Variants in PUS10 observed in about 807,000 individuals in gnomAD.
The protein encoded by PUS10 is pseudouridine synthase 10.
PUS10 carries 59 observed loss-of-function variants against 75.0 expected under a neutral mutation model. The observed-to-expected ratio is 0.79, with a 90% CI of 0.64 to 0.98. The LOEUF (loss-of-function observed/expected upper bound fraction) is 0.98. PUS10 is among the 50% of genes least tolerant of loss of function. The pLI is 0.00. For synonymous variants in PUS10, 219 were observed against 211.6 expected, an observed-to-expected ratio of 1.03 and a Z score of -0.30; for missense variants, 650 against 614.4, an observed-to-expected ratio of 1.06 and a Z score of -0.61.
chr2:60,949,209 A>C (rs1675182804), intron 15 of PUS10, among the ~76,000 whole-genome samples: 1 of 152,222 alleles, frequency 6.6e-6, no homozygotes, highest in African/African-American at 2.4e-5. Context: ...TGTCTCCATA[A>C]GATCTGATTT....
intron 4 of PUS10, among the ~76,000 whole-genome samples, chr2:60,971,865 C>CTTTTTTTTTTT (rs756222357): frequency 2.0e-5 from 2 of 99,638 alleles, no homozygotes; most frequent in African/African-American, 8.7e-5. Context: ...TCTTTCTTCT[C>CTTTTTTTTTTT]TTTTTTTTTT....
chr2:61,007,222 T>G (rs1211522243), intron 3 of PUS10, among the ~76,000 whole-genome samples: 5 of 151,752 alleles, frequency 3.3e-5, no homozygotes, highest in African/African-American at 4.8e-5. Flanking sequence ...TTTGTTTTTT[T>G]TTTTTTAAAA....
chr2:60,992,720 C>T (rs1317766097), intron 4 of PUS10, among the ~76,000 whole-genome samples: 1 of 151,972 alleles, frequency 6.6e-6, no homozygotes, highest in Non-Finnish European at 1.5e-5. Context: ...GGCTCATGAC[C>T]ACATTTAAAT....
chr2:60,967,657 T>C (rs1312415228), intron 5 of PUS10, 44 bp from the exon 6 acceptor site: 1 of 1,384,838 alleles, frequency 7.2e-7, no homozygotes, highest in Non-Finnish European at 1.0e-6. Context: ...AAAACTTTAC[T>C]TTTTCTATTA....
intron 9 of PUS10, 67 bp downstream of exon 9, chr2:60,962,759 C>T (rs935800243): frequency 3.9e-6 from 6 of 1,526,382 alleles, no homozygotes; most frequent in Non-Finnish European, 5.3e-6. Flanking sequence ...GATAATCCAG[C>T]TTATCTCTAA....
intron 4 of PUS10, among the ~76,000 whole-genome samples, chr2:60,999,851 C>A (rs1678735835): frequency 6.6e-6 from 1 of 152,088 alleles, no homozygotes; most frequent in Non-Finnish European, 1.5e-5. Context: ...CAGGTACAGG[C>A]TTTTTCCTGT....
chr2:60,974,867 C>T (rs944866077), intron 4 of PUS10, among the ~76,000 whole-genome samples: 20 of 152,220 alleles, frequency 1.3e-4, no homozygotes, highest in Non-Finnish European at 2.6e-4. Flanking sequence ...CAGACCCAGG[C>T]GTAGCGTGCC....
intron 4 of PUS10, among the ~76,000 whole-genome samples, chr2:60,982,023 CAAG>C (rs759070259): frequency 6.6e-6 from 1 of 151,856 alleles, no homozygotes; most frequent in Non-Finnish European, 1.5e-5. Context: ...AAATTTGACT[CAAG>C]AAGAGGGAAA....
intron 4 of PUS10, among the ~76,000 whole-genome samples, chr2:60,979,807 G>T (rs1677270967): frequency 1.3e-5 from 2 of 152,182 alleles, no homozygotes; most frequent in Admixed American, 1.3e-4. Context: ...GCATTGAAAA[G>T]GTTGAAGATC....
intron 5 of PUS10, 36 bp downstream of exon 5, chr2:60,971,487 G>A (rs778312523): frequency 2.5e-6 from 4 of 1,576,938 alleles, no homozygotes; most frequent in Non-Finnish European, 2.6e-6. Context: ...GCTTGTATTT[G>A]AATGGTAGTA....
chr2:60,989,612 A>C (rs1224386171), intron 4 of PUS10, among the ~76,000 whole-genome samples: 1 of 152,002 alleles, frequency 6.6e-6, no homozygotes, highest in Non-Finnish European at 1.5e-5. Flanking sequence ...CTTTATTCAC[A>C]TATCTAGCTT....
chr2:60,948,639 G>A (rs2104165146), intron 15 of PUS10, among the ~76,000 whole-genome samples: 2 of 152,172 alleles, frequency 1.3e-5, no homozygotes, highest in South Asian at 4.2e-4. Context: ...GAAAAGTTAT[G>A]AATACATCTT....
At chr2:60,983,658 CAA>C (rs766471564) in intron 4 of PUS10, among the ~76,000 whole-genome samples, 1 of 148,738 alleles carries the variant, frequency 6.7e-6, no homozygotes, top group Non-Finnish European at 1.5e-5. Flanking sequence ...GCCTTGGCAA[CAA>C]GAGCAAAATT....
chr2:61,018,102 CTG>C lies in PUS10; in HGVS notation c.-112_-111del. ...AGCTCCTGGGCGTCTCTCTGGGTCT[CTG>C]TGCTTGAAAGAAAGGGGGGCGGCTT... On this transcript the variant is annotated 5_prime_UTR_variant, in exon 1 of 18. Transcript: ENST00000316752. 1 of 1,544,288 alleles carries C rather than the reference CTG, an allele frequency of 6.5e-7. No homozygotes were observed. Among genetic ancestry groups the C allele is most frequent in the South Asian group, 1.2e-5 (1 of 83,654 alleles).
intron 4 of PUS10, among the ~76,000 whole-genome samples, chr2:61,000,538 C>G (rs1678785280): frequency 6.6e-6 from 1 of 152,126 alleles, no homozygotes; most frequent in South Asian, 2.1e-4. Context: ...AAATCTGTTT[C>G]CTTGCCTTTT....
At chr2:61,005,121 C>G (rs969974534) in intron 4 of PUS10, among the ~76,000 whole-genome samples, 15 of 152,024 alleles carry the variant, frequency 9.9e-5, no homozygotes, top group Non-Finnish European at 5.9e-5. Flanking sequence ...ATTAGCCAGG[C>G]GTGGTGACGC....
intron 4 of PUS10, among the ~76,000 whole-genome samples, chr2:60,978,475 G>A (rs1371226620): frequency 1.4e-5 from 2 of 145,714 alleles, no homozygotes; most frequent in East Asian, 2.1e-4. Flanking sequence ...TGGAAAGTAT[G>A]TTCCAAACAG....
At chr2:60,965,163 T>C in intron 7 of PUS10, 60 bp from the exon 8 acceptor site, 2 of 1,492,510 alleles carry the variant, frequency 1.3e-6, no homozygotes, top group African/African-American at 1.4e-5. Context: ...GTAGATATAA[T>C]TCAAATATAT....
chr2:60,950,322 C>T (rs1484068619), intron 15 of PUS10, among the ~76,000 whole-genome samples: 1 of 152,182 alleles, frequency 6.6e-6, no homozygotes, highest in Middle Eastern at 3.2e-3. Flanking sequence ...TCCTATGAGT[C>T]ATAGATATAG....
Sources: allele counts gnomAD v4.1 joint callset (sites outside exome capture counted in the v4.1 genomes callset), GRCh38; gene constraint gnomAD v4.1.1; transcripts MANE v1.5; gene names NCBI Gene and HGNC (gene_info 2026-07-23, HGNC 2026-07-21).